Variants in PTPRD observed in about 807,000 individuals in gnomAD.
PTPRD encodes the protein receptor-type tyrosine-protein phosphatase delta.
PTPRD carries 34 observed loss-of-function variants against 214.5 expected under a neutral mutation model. The observed-to-expected ratio is 0.16, with a 90% CI of 0.12 to 0.21. The LOEUF (loss-of-function observed/expected upper bound fraction) is 0.21, where lower values mean the gene tolerates loss of function less well. Among genes scored for constraint, PTPRD ranks in the 10% least tolerant of loss-of-function variants. The probability of loss-of-function intolerance (pLI) is 1.00; values close to 1 mark genes in which losing one functional copy is unlikely to be tolerated. For missense variants in PTPRD, 2,545 were observed against 2,398.7 expected (o/e 1.06, Z -1.27); for synonymous variants, 1,128 against 845.7 (o/e 1.33, Z -5.79).
intron 10 of PTPRD, among the ~76,000 whole-genome samples, chr9:9,148,027 A>G (rs1270115793): frequency 6.6e-6 from 1 of 152,216 alleles, no homozygotes; most frequent in Non-Finnish European, 1.5e-5. Context: ...ATAAGCAAAA[A>G]TGATTTGAAA....
chr9:10,550,765 A>G (rs775908026), intron 2 of PTPRD, among the ~76,000 whole-genome samples: 3 of 152,340 alleles, frequency 2.0e-5, no homozygotes, highest in East Asian at 3.9e-4. Flanking sequence ...AGAACTATCT[A>G]TCTCAGCTTC....
At chr9:9,711,723 G>A (rs2097734618) in intron 7 of PTPRD, among the ~76,000 whole-genome samples, 1 of 152,176 alleles carries the variant, frequency 6.6e-6, no homozygotes, top group Non-Finnish European at 1.5e-5. Context: ...GGAGAAACTA[G>A]AGACACTGCT....
intron 11 of PTPRD, among the ~76,000 whole-genome samples, chr9:8,793,420 G>T (rs966830603): frequency 6.6e-6 from 1 of 152,168 alleles, no homozygotes; most frequent in African/African-American, 2.4e-5. Flanking sequence ...ACCTTCAGAT[G>T]ACTGCAGCCC....
intron 9 of PTPRD, among the ~76,000 whole-genome samples, chr9:9,354,857 A>T (rs2053098440): frequency 6.6e-6 from 1 of 151,782 alleles, no homozygotes. Context: ...TGGAGGAAAA[A>T]TAATGGAGGG....
At chr9:8,487,564 T>C (rs1031853691) in intron 27 of PTPRD, among the ~76,000 whole-genome samples, 7 of 151,578 alleles carry the variant, frequency 4.6e-5, no homozygotes, top group Non-Finnish European at 1.0e-4. Flanking sequence ...ACACCAGTAA[T>C]CCCAGCACTT....
intron 3 of PTPRD, among the ~76,000 whole-genome samples, chr9:10,164,721 AT>A (rs2099148739): frequency 6.6e-6 from 1 of 151,700 alleles, no homozygotes; most frequent in Non-Finnish European, 1.5e-5. Flanking sequence ...AAAAGAGTAT[AT>A]TTTATTCAAA....
At chr9:8,614,505 A>G (rs1382738103) in intron 14 of PTPRD, among the ~76,000 whole-genome samples, 1 of 152,350 alleles carries the variant, frequency 6.6e-6, no homozygotes. Context: ...AAATGAGGGT[A>G]GACTGAAATA....
At chr9:8,725,453 A>G (rs375848502) in intron 12 of PTPRD, among the ~76,000 whole-genome samples, 168 of 152,306 alleles carry the variant, frequency 1.1e-3, no homozygotes, top group African/African-American at 4.0e-3. Flanking sequence ...TGAATGAGCC[A>G]ATCAGTCAAT....
At chr9:9,871,741 G>A (rs28697144) in intron 5 of PTPRD, among the ~76,000 whole-genome samples, 3,779 of 150,936 alleles carry the variant, frequency 0.025, 58 homozygotes, top group African/African-American at 0.044. Context: ...ATTATCTTCC[G>A]GAAAGGGGCC....
At chr9:10,356,428 T>G (rs533303878) in intron 2 of PTPRD, among the ~76,000 whole-genome samples, 2 of 152,316 alleles carry the variant, frequency 1.3e-5, no homozygotes, top group South Asian at 4.1e-4. Context: ...CCAGTGATAT[T>G]TGAATAATTG....
chr9:9,540,702 G>A (rs1483306608), intron 8 of PTPRD, among the ~76,000 whole-genome samples: 1 of 151,664 alleles, frequency 6.6e-6, no homozygotes, highest in Non-Finnish European at 1.5e-5. Flanking sequence ...TGCATTTGTC[G>A]ATTTGGTGAC....
intron 5 of PTPRD, among the ~76,000 whole-genome samples, chr9:9,899,221 A>T (rs1280113719): frequency 6.6e-6 from 1 of 152,120 alleles, no homozygotes; most frequent in Admixed American, 6.6e-5. Context: ...CACAAAACAG[A>T]TGAAAGAACT....
intron 2 of PTPRD, among the ~76,000 whole-genome samples, chr9:10,429,865 C>A (rs1366260889): frequency 6.6e-6 from 1 of 151,660 alleles, no homozygotes; most frequent in African/African-American, 2.4e-5. Flanking sequence ...GGCATTGTTC[C>A]CCTTCCTTAG....
intron 4 of PTPRD, among the ~76,000 whole-genome samples, chr9:9,996,762 G>C (rs958250914): frequency 4.6e-5 from 7 of 152,152 alleles, no homozygotes; most frequent in Non-Finnish European, 8.8e-5. Context: ...GCTTCATACG[G>C]CAAGGAATAC....
chr9:9,337,092 G>A (rs1267530492), intron 9 of PTPRD, among the ~76,000 whole-genome samples: 1 of 152,132 alleles, frequency 6.6e-6, no homozygotes, highest in Non-Finnish European at 1.5e-5. Flanking sequence ...TCAATGGGCT[G>A]TACTTTCCCA....
chr9:10,019,331 A>C (rs1203038325), intron 4 of PTPRD, among the ~76,000 whole-genome samples: 1 of 152,180 alleles, frequency 6.6e-6, no homozygotes, highest in Non-Finnish European at 1.5e-5. Context: ...TGTTGGTGGG[A>C]CTGTAAACTA....
Position 10,085,694 on chromosome 9 carries a change from G to GAC in PTPRD, c.-544-51906_-544-51905dup, listed in dbSNP as rs137973175. 3.8e-4 allele frequency among the ~76,000 whole-genome samples: 57 copies of GAC among 151,054 alleles called. 1 individual carries two copies. The highest frequency in any genetic ancestry group is 1.3e-3 in the South Asian group (6 of 4,794). ...CACACACATTCATAGACACATACAT[G>GAC]ACACACACACACACGCACAAAGGCA... On this transcript the variant is annotated intron_variant, in intron 3 of 45. Coordinates refer to ENST00000381196, the MANE Select transcript of PTPRD (RefSeq NM_002839.4).
chr9:9,760,729 T>C (rs1042752080), intron 6 of PTPRD, among the ~76,000 whole-genome samples: 9 of 151,158 alleles, frequency 6.0e-5, no homozygotes, highest in Admixed American at 1.3e-4. Flanking sequence ...GATGAGGAAA[T>C]AGGCAAACTA....
chr9:9,672,941 C>T lies in PTPRD; in HGVS notation c.-287+61592G>A, dbSNP rs79157045. Among the ~76,000 whole-genome samples, 831 of 152,060 alleles carry T rather than the reference C, an allele frequency of 5.5e-3. 5 individuals are homozygous for T. The highest frequency in any genetic ancestry group is 8.2e-3 in the Non-Finnish European group (556 of 67,874). ...TCCTGACATTGGTATTTGACTCTAG[C>T]GTAAATCTGTTATAAAATCCCTGTT... On this transcript the variant is annotated intron_variant, in intron 7 of 45. Coordinates refer to ENST00000381196, the MANE Select transcript of PTPRD (RefSeq NM_002839.4).
Sources: allele counts gnomAD v4.1 joint callset (sites outside exome capture counted in the v4.1 genomes callset), GRCh38; gene constraint gnomAD v4.1.1; transcripts MANE v1.5; gene names NCBI Gene and HGNC (gene_info 2026-07-23, HGNC 2026-07-21).